The following FOCAD variants were observed in gnomAD, a reference collection of about 807,000 sequenced individuals.
The protein encoded by FOCAD is focadhesin.
Under a neutral mutation model 225.6 loss-of-function variants are expected in FOCAD, and 198 were observed. The observed-to-expected ratio is 0.88, with a 90% CI of 0.78 to 0.99. FOCAD has a LOEUF of 0.99. Ranked by LOEUF, FOCAD falls within the 50% of genes least tolerant of loss-of-function variation. FOCAD has a pLI of 0.00. For synonymous variants in FOCAD, 897 were observed against 755.0 expected (o/e 1.19, Z -3.08); for missense variants, 2,713 against 2,123.6 (o/e 1.28, Z -5.46).
At chr9:20,732,098 C>G (rs187004905) in intron 4 of FOCAD, among the ~76,000 whole-genome samples, 14 of 152,198 alleles carry the variant, frequency 9.2e-5, no homozygotes, top group Admixed American at 9.2e-4. Flanking sequence ...CCCTAATGCT[C>G]TCCTGAGTAT....
intron 27 of FOCAD, among the ~76,000 whole-genome samples, chr9:20,931,904 A>AAAAAAATAAAAC: frequency 1.5e-4 from 1 of 6,496 alleles, no homozygotes. Context: ...CTCTATCTCA[A>AAAAAAATAAAAC]AAAAAAAAAA....
chr9:20,901,701 G>C (rs535659798), intron 21 of FOCAD, among the ~76,000 whole-genome samples: 1 of 151,712 alleles, frequency 6.6e-6, no homozygotes, highest in Non-Finnish European at 1.5e-5. Context: ...CTACAATTGC[G>C]AATTATGTTT....
At chr9:20,793,704 A>C (rs1225111511) in intron 11 of FOCAD, among the ~76,000 whole-genome samples, 1 of 152,234 alleles carries the variant, frequency 6.6e-6, no homozygotes, top group Admixed American at 6.5e-5. Flanking sequence ...CTTCCAACTG[A>C]TATCAGGGAC....
chr9:20,972,385 T>C lies in FOCAD; in HGVS notation c.4133-4035T>C, dbSNP rs375949967. Reference sequence around the variant, plus strand: ...GTGGTTTTGATTTGGTTTGGTTTTTTTCCTTCTGATTAGTGATATTGGTCA... The same window carrying C: ...GTGGTTTTGATTTGGTTTGGTTTTTCTCCTTCTGATTAGTGATATTGGTCA... On this transcript the variant is annotated intron_variant, in intron 35 of 43. Transcript: ENST00000338382. 2.4e-4 allele frequency among the ~76,000 whole-genome samples: 37 copies of C among 152,302 alleles called. No individual in the cohort carries two copies. In the East Asian group the frequency reaches 3.5e-3, roughly 14 times the overall value.
intron 7 of FOCAD, among the ~76,000 whole-genome samples, chr9:20,766,926 T>G (rs1194027287): frequency 1.3e-5 from 2 of 152,000 alleles, no homozygotes; most frequent in African/African-American, 4.8e-5. Flanking sequence ...CTGCACCCAC[T>G]AACTCGTCAT....
chr9:20,738,976 C>T (rs1261685985), intron 4 of FOCAD, among the ~76,000 whole-genome samples: 1 of 152,010 alleles, frequency 6.6e-6, no homozygotes, highest in East Asian at 1.9e-4. Context: ...GTATTTTGTA[C>T]TTACAGGACA....
chr9:20,698,600 A>G (rs1017654800), intron 1 of FOCAD, among the ~76,000 whole-genome samples: 1 of 151,954 alleles, frequency 6.6e-6, no homozygotes, highest in Non-Finnish European at 1.5e-5. Context: ...AGGTCTCACT[A>G]TGTTGCCCAG....
intron 11 of FOCAD, among the ~76,000 whole-genome samples, chr9:20,790,597 C>A (rs546102125): frequency 1.1e-4 from 17 of 152,174 alleles, no homozygotes; most frequent in African/African-American, 3.9e-4. Context: ...CATGGCGAAA[C>A]CTTGTTTCTA....
chr9:20,684,081 A>G (rs1378533157), upstream of FOCAD: 1 of 152,044 alleles, frequency 6.6e-6, no homozygotes, highest in Non-Finnish European at 1.5e-5. Flanking sequence ...TCCGCCGCCC[A>G]CGCCGCCTTT....
chr9:20,885,108 G>T lies in FOCAD; in HGVS notation c.2504-1G>T. 1 of 1,430,850 alleles carries T rather than the reference G, an allele frequency of 7.0e-7. No homozygotes were observed. Among genetic ancestry groups the T allele is most frequent in the Non-Finnish European group, 9.2e-7 (1 of 1,084,514 alleles). The allele number at this position is 1,430,850 out of a possible 1,614,324, so 88.6% of individuals were successfully genotyped here. A position where few individuals can be genotyped will look rare whatever the true frequency, so the allele number is the denominator to read the frequency against. Reference sequence around the variant, plus strand: ...TAAAGTCTATATAATTTTTTTTAAAGGTGGTATGTTATTTTGCTATGATGT... The same window carrying T: ...TAAAGTCTATATAATTTTTTTTAAATGTGGTATGTTATTTTGCTATGATGT... On this transcript the variant is annotated splice_acceptor_variant, in intron 20 of 43. Transcript: ENST00000338382. LOFTEE classifies it high-confidence loss of function.
intron 11 of FOCAD, among the ~76,000 whole-genome samples, chr9:20,807,398 A>G (rs1822575910): frequency 1.3e-5 from 2 of 152,250 alleles, no homozygotes; most frequent in Non-Finnish European, 2.9e-5. Context: ...GTGCTGTTCA[A>G]TAGAAGTAAA....
At chr9:20,928,320 G>A (rs972480306) in intron 26 of FOCAD, among the ~76,000 whole-genome samples, 1 of 152,098 alleles carries the variant, frequency 6.6e-6, no homozygotes, top group African/African-American at 2.4e-5. Flanking sequence ...ATCATTTTGA[G>A]TAACATTATC....
chr9:20,967,399 ACT>A (rs1470390617), intron 35 of FOCAD, among the ~76,000 whole-genome samples: 2 of 151,832 alleles, frequency 1.3e-5, no homozygotes, highest in African/African-American at 4.8e-5. Context: ...TCCTTTATTA[ACT>A]CTATTAGTTT....
chr9:20,946,908 A>G, intron 30 of FOCAD, 88 bp downstream of exon 30: 1 of 1,498,028 alleles, frequency 6.7e-7, no homozygotes, highest in Non-Finnish European at 9.1e-7. Context: ...TTAGAGTATA[A>G]TGGGATATTT....
At chr9:20,762,936 C>T (rs1488405569) in intron 6 of FOCAD, among the ~76,000 whole-genome samples, 2 of 152,134 alleles carry the variant, frequency 1.3e-5, no homozygotes, top group African/African-American at 4.8e-5. Context: ...ATTTAAATAC[C>T]GTTTCTTCCG....
intron 18 of FOCAD, among the ~76,000 whole-genome samples, chr9:20,868,214 A>G (rs1345561342): frequency 6.6e-6 from 1 of 152,136 alleles, no homozygotes; most frequent in Non-Finnish European, 1.5e-5. Flanking sequence ...TTCATATGCA[A>G]ACACCTGCCA....
intron 15 of FOCAD, among the ~76,000 whole-genome samples, chr9:20,860,850 A>G (rs1405210255): frequency 6.6e-6 from 1 of 152,124 alleles, no homozygotes; most frequent in Non-Finnish European, 1.5e-5. Context: ...ATTGTTTTGT[A>G]TTTCTTAACT....
intron 1 of FOCAD, among the ~76,000 whole-genome samples, chr9:20,692,335 C>G (rs1285302085): frequency 6.6e-6 from 1 of 152,074 alleles, no homozygotes; most frequent in Non-Finnish European, 1.5e-5. Context: ...TATACTGTTA[C>G]TTTGGAAAGT....
intron 23 of FOCAD, among the ~76,000 whole-genome samples, chr9:20,915,432 A>G (rs1370529658): frequency 2.0e-5 from 3 of 152,216 alleles, no homozygotes; most frequent in African/African-American, 7.2e-5. Context: ...GAAAGAAGGC[A>G]TTCTAAGGAG....
Sources: gnomAD v4.1 joint callset for allele counts (sites outside exome capture counted in the v4.1 genomes callset) on GRCh38, gnomAD v4.1.1 for gene constraint, MANE v1.5 for transcripts, NCBI Gene and HGNC (gene_info 2026-07-23, HGNC 2026-07-21) for gene names.